The following ROBO2 variants were observed in gnomAD, a reference collection of about 807,000 sequenced individuals.
ROBO2 encodes the protein roundabout homolog 2.
In ROBO2, 53 loss-of-function variants were observed where a neutral mutation model predicts 160.8. The observed-to-expected ratio is 0.33, with a 90% CI of 0.26 to 0.41. The LOEUF is 0.41. ROBO2 is among the 10% of genes least tolerant of loss of function. The pLI is 1.00. For synonymous variants in ROBO2, 664 were observed against 611.7 expected (o/e 1.09, Z -1.26); for missense variants, 1,577 against 1,722.4 (o/e 0.92, Z 1.49).
rs537071368 is a variant in ROBO2, at chr3:75,934,015, G to A, written c.-13-3466G>A. Among the ~76,000 whole-genome samples the A allele has an allele frequency of 4.4e-3, 664 of 152,282 alleles. 7 individuals are homozygous for A. In the Middle Eastern group the frequency reaches 0.044, roughly 10 times the overall value. ...TCCAGACTCCACAACACATTTCACA[G>A]AGCTGTTTACTCCAAAACACTTGCC... On this transcript the variant is annotated intron_variant, in intron 1 of 26. Coordinates refer to the ROBO2 transcript ENST00000487694.
At chr3:76,377,452 A>G (rs1457519085) in intron 2 of ROBO2, among the ~76,000 whole-genome samples, 1 of 152,116 alleles carries the variant, frequency 6.6e-6, no homozygotes, top group Admixed American at 6.6e-5. Context: ...GAAAAAAAGT[A>G]TTGGGCTTCT....
At chr3:76,622,409 G>A (rs1483329616) in intron 2 of ROBO2, among the ~76,000 whole-genome samples, 2 of 152,112 alleles carry the variant, frequency 1.3e-5, no homozygotes. Context: ...AGGATAGCAT[G>A]AGCCATGATC....
chr3:76,382,017 T>C (rs1478023072), intron 2 of ROBO2, among the ~76,000 whole-genome samples: 1 of 152,152 alleles, frequency 6.6e-6, no homozygotes, highest in Non-Finnish European at 1.5e-5. Flanking sequence ...TCTCACTCAG[T>C]TGCCCAGGCT....
chr3:77,203,713 A>T (rs538171381), intron 2 of ROBO2, among the ~76,000 whole-genome samples: 10 of 152,276 alleles, frequency 6.6e-5, no homozygotes, highest in African/African-American at 2.4e-4. Flanking sequence ...ACATTTTGAT[A>T]ATGATTGTGT....
At chr3:76,939,304 A>G (rs185122849) in intron 2 of ROBO2, among the ~76,000 whole-genome samples, 2 of 152,316 alleles carry the variant, frequency 1.3e-5, no homozygotes, top group East Asian at 3.9e-4. Flanking sequence ...GAAAGCAGGC[A>G]TGTTTATTCT....
intron 2 of ROBO2, among the ~76,000 whole-genome samples, chr3:77,030,234 G>A (rs1002545288): frequency 2.0e-5 from 3 of 152,058 alleles, no homozygotes; most frequent in African/African-American, 7.2e-5. Flanking sequence ...GTAAGCCACC[G>A]CGCCTGGCAA....
chr3:76,873,558 A>G (rs1318744058), intron 2 of ROBO2, among the ~76,000 whole-genome samples: 2 of 151,710 alleles, frequency 1.3e-5, no homozygotes, highest in Non-Finnish European at 2.9e-5. Flanking sequence ...GTTAGTAGTT[A>G]GTAGTAGTAG....
At chr3:77,456,418 TTTATGTGAAAAAACAC>T (rs1473919837) in intron 2 of ROBO2, among the ~76,000 whole-genome samples, 3 of 152,192 alleles carry the variant, frequency 2.0e-5, no homozygotes, top group Non-Finnish European at 2.9e-5. Context: ...TAAGGAAACA[TTTATGTGAAAAAACAC>T]TTAATGATGT....
chr3:76,945,089 T>C (rs139145768), intron 2 of ROBO2, among the ~76,000 whole-genome samples: 5,642 of 151,800 alleles, frequency 0.037, 362 homozygotes, highest in African/African-American at 0.13. Flanking sequence ...GGGGTTTCAC[T>C]GTGTTAGCCA....
intron 2 of ROBO2, among the ~76,000 whole-genome samples, chr3:76,264,349 T>C (rs1706963923): frequency 6.6e-6 from 1 of 150,848 alleles, no homozygotes; most frequent in Non-Finnish European, 1.5e-5. Flanking sequence ...TTTTTCCCCC[T>C]TGGTGGCCTT....
chr3:76,186,394 T>C (rs1701765075), intron 2 of ROBO2, among the ~76,000 whole-genome samples: 1 of 152,124 alleles, frequency 6.6e-6, no homozygotes, highest in Non-Finnish European at 1.5e-5. Flanking sequence ...TTGCCCTCAA[T>C]TAGTGATCAG....
At chr3:76,500,595 G>A (rs2080405288) in intron 2 of ROBO2, among the ~76,000 whole-genome samples, 1 of 152,060 alleles carries the variant, frequency 6.6e-6, no homozygotes, top group Admixed American at 6.6e-5. Context: ...AAAGGAGAAG[G>A]GGGTACCACA....
At chr3:77,527,666 T>C (rs183843844) in intron 6 of ROBO2, among the ~76,000 whole-genome samples, 5 of 151,730 alleles carry the variant, frequency 3.3e-5, no homozygotes, top group Non-Finnish European at 5.9e-5. Context: ...TAAATGTTTA[T>C]GAACTGCTAG....
chr3:76,519,989 A>G (rs894321238), intron 2 of ROBO2, among the ~76,000 whole-genome samples: 3 of 152,192 alleles, frequency 2.0e-5, no homozygotes, highest in Non-Finnish European at 4.4e-5. Context: ...ACTCATTCAC[A>G]TAGGGACCCC....
chr3:77,000,343 C>T (rs2061272463), intron 2 of ROBO2, among the ~76,000 whole-genome samples: 1 of 152,058 alleles, frequency 6.6e-6, no homozygotes, highest in Admixed American at 6.6e-5. Flanking sequence ...TGCTAAGCAC[C>T]CAATAGATCC....
intron 2 of ROBO2, among the ~76,000 whole-genome samples, chr3:76,018,475 A>G (rs1265613503): frequency 6.6e-6 from 1 of 151,216 alleles, no homozygotes; most frequent in Non-Finnish European, 1.5e-5. Context: ...TTATAATCGC[A>G]TTTCTTCTGC....
At position 77,588,679 on chromosome 3, in the gene ROBO2, T is replaced by C; in HGVS notation, c.2501-72T>C. 5 of 1,411,104 alleles carry C rather than the reference T, an allele frequency of 3.5e-6. No homozygotes were observed. In the South Asian group the frequency reaches 4.8e-5, roughly 14 times the overall value. The allele number at this position is 1,411,104 out of a possible 1,614,324, so 87.4% of individuals were successfully genotyped here. On this transcript the variant is annotated intron_variant, in intron 16 of 25. Transcript: ENST00000461745. Reference sequence around the variant, plus strand: ...CCTTCAAATAATTTTTCTTCATTTTTGATGCACCATGTTTATATTCCTGTG... The same window carrying C: ...CCTTCAAATAATTTTTCTTCATTTTCGATGCACCATGTTTATATTCCTGTG...
At chr3:76,513,374 G>A (rs1241898556) in intron 2 of ROBO2, among the ~76,000 whole-genome samples, 1 of 151,430 alleles carries the variant, frequency 6.6e-6, no homozygotes, top group Non-Finnish European at 1.5e-5. Context: ...TTTTTCTGAG[G>A]AAGAGTCTCA....
At chr3:77,107,446 G>T (rs896268575) in intron 2 of ROBO2, among the ~76,000 whole-genome samples, 1 of 152,148 alleles carries the variant, frequency 6.6e-6, no homozygotes, top group African/African-American at 2.4e-5. Flanking sequence ...CACATTTGTC[G>T]GTTCCTCATC....
Sources: gnomAD v4.1 joint callset for allele counts (sites outside exome capture counted in the v4.1 genomes callset) on GRCh38, gnomAD v4.1.1 for gene constraint, MANE v1.5 for transcripts, NCBI Gene and HGNC (gene_info 2026-07-23, HGNC 2026-07-21) for gene names.